Variants in ETFB observed in about 807,000 individuals in gnomAD.
The protein encoded by ETFB is beta-ETF.
In ETFB, 20 loss-of-function variants were observed where a neutral mutation model predicts 25.6. The ratio of observed to expected loss-of-function variants is 0.78; its 90% CI spans 0.55 to 1.14. The LOEUF (loss-of-function observed/expected upper bound fraction) is 1.14, where lower values mean the gene tolerates loss of function less well. Among genes scored for constraint, ETFB ranks in the 50% most tolerant of loss-of-function variants. The pLI, the probability that ETFB is intolerant of heterozygous loss-of-function variation, is 0.00. For missense variants in ETFB, 286 were observed against 342.6 expected, an observed-to-expected ratio of 0.83 and a Z score of 1.30; for synonymous variants, 142 against 146.7, an observed-to-expected ratio of 0.97 and a Z score of 0.23.
intron 1 of ETFB, chr19:51,355,660 C>T (rs1006635953): frequency 6.6e-6 from 1 of 151,982 alleles, no homozygotes; most frequent in African/African-American, 2.4e-5. Context: ...TATTGCGGCA[C>T]TATTCACAAT....
At chr19:51,359,593 A>ACG (rs1555755882) in intron 1 of ETFB, among the ~76,000 whole-genome samples, 1 of 152,066 alleles carries the variant, frequency 6.6e-6, no homozygotes, top group African/African-American at 2.4e-5. Flanking sequence ...ACACACACAC[A>ACG]CACGCACGCA....
chr19:51,350,439 G>T, intron 3 of ETFB, 48 bp from the exon 4 acceptor site: 2 of 969,350 alleles, frequency 2.1e-6, no homozygotes, highest in South Asian at 1.3e-5. Context: ...TGGAGCTCAT[G>T]GACCATTCAG....
At chr19:51,360,739 TTCTTC>T (rs1986200326) in intron 1 of ETFB, among the ~76,000 whole-genome samples, 1 of 151,840 alleles carries the variant, frequency 6.6e-6, no homozygotes, top group African/African-American at 2.4e-5. Context: ...AAGAGGGATT[TTCTTC>T]TCTTCTCTTT....
chr19:51,358,300 C>T (rs766400744), intron 1 of ETFB, among the ~76,000 whole-genome samples: 8 of 152,110 alleles, frequency 5.3e-5, no homozygotes, highest in Non-Finnish European at 8.8e-5. Context: ...GGACAGAATC[C>T]GAGATGAGAA....
chr19:51,360,770 C>T (rs1037567648), intron 1 of ETFB, among the ~76,000 whole-genome samples: 4 of 62,248 alleles, frequency 6.4e-5, no homozygotes, highest in Non-Finnish European at 1.8e-4. Context: ...CTCTCTTTCT[C>T]TCTCTCTCTC....
intron 1 of ETFB, among the ~76,000 whole-genome samples, chr19:51,362,372 G>A (rs1377227582): frequency 6.6e-6 from 1 of 152,224 alleles, no homozygotes; most frequent in African/African-American, 2.4e-5. Flanking sequence ...GAGGTCAGGA[G>A]GTCTAGACCA....
At chr19:51,351,838 C>A (rs114996542) in intron 3 of ETFB, among the ~76,000 whole-genome samples, 153 of 152,176 alleles carry the variant, frequency 1.0e-3, no homozygotes, top group African/African-American at 3.6e-3. Context: ...TCTCCGGGGG[C>A]CCCAGCTCTA....
At chr19:51,355,948 G>T (rs1401421064) in intron 1 of ETFB, 2 of 127,022 alleles carry the variant, frequency 1.6e-5, no homozygotes, top group South Asian at 3.4e-4. Context: ...GTCGTGGGGT[G>T]GGGGGAGGGG....
At chr19:51,360,233 C>T (rs1205148402) in intron 1 of ETFB, among the ~76,000 whole-genome samples, 1 of 151,910 alleles carries the variant, frequency 6.6e-6, no homozygotes, top group Non-Finnish European at 1.5e-5. Context: ...AAAACCCCAT[C>T]TCTACTAAAA....
chr19:51,354,576 C>T (rs749216461), intron 1 of ETFB: 1 of 1,614,222 alleles, frequency 6.2e-7, no homozygotes, highest in Non-Finnish European at 8.5e-7. Context: ...CTGCTCCTCT[C>T]AGGCCTGAAA....
In ETFB at chr19:51,354,493, C is replaced by T. The variant is rs1340658732; in HGVS notation, c.58-185G>A. On this transcript the variant is annotated intron_variant, in intron 1 of 5. Coordinates refer to ENST00000309244, the MANE Select transcript of ETFB (RefSeq NM_001985.3). ...AGAGTTTGTAGGCAGGGGCAGGTCACCCTGTCTCCTTCTCTCATCCAGCCA... is the reference window on the plus strand; with the variant it reads ...AGAGTTTGTAGGCAGGGGCAGGTCATCCTGTCTCCTTCTCTCATCCAGCCA... 3.1e-6 allele frequency: 5 copies of T among 1,614,180 alleles called. No homozygotes were observed. In the Admixed American group the frequency reaches 6.7e-5, roughly 22 times the overall value.
chr19:51,352,199 T>A (rs1293292165), intron 3 of ETFB, among the ~76,000 whole-genome samples: 1 of 151,996 alleles, frequency 6.6e-6, no homozygotes, highest in Non-Finnish European at 1.5e-5. Context: ...AATTTCCCAT[T>A]CCAGTCCATT....
At chr19:51,365,896 CAG>C (rs1986351066) in intron 1 of ETFB, among the ~76,000 whole-genome samples, 1 of 152,158 alleles carries the variant, frequency 6.6e-6, no homozygotes, top group African/African-American at 2.4e-5. Context: ...TGAAAGCAGT[CAG>C]AGGAACCTGG....
intron 4 of ETFB, chr19:51,348,456 T>C (rs973429094): frequency 6.6e-6 from 1 of 152,040 alleles, no homozygotes; most frequent in Admixed American, 6.6e-5. Context: ...TCAAGACACA[T>C]TATCATGATT....
chr19:51,359,374 A>AAG (rs2123603689), intron 1 of ETFB, among the ~76,000 whole-genome samples: 1 of 151,978 alleles, frequency 6.6e-6, no homozygotes, highest in East Asian at 1.9e-4. Flanking sequence ...CTTAAAAAAA[A>AAG]AAACACAACA....
chr19:51,354,361 G>A (rs756659613), intron 1 of ETFB, 53 bp from the exon 2 acceptor site: 203 of 1,605,244 alleles, frequency 1.3e-4, no homozygotes, highest in Non-Finnish European at 1.7e-4. Flanking sequence ...GCAAGAAGGT[G>A]GGGGCCTCAG....
In ETFB at chr19:51,354,658, T is replaced by A. The variant is rs755305886; in HGVS notation, c.58-350A>T. On this transcript the variant is annotated intron_variant, in intron 1 of 5. Coordinates refer to ENST00000309244, the MANE Select transcript of ETFB (RefSeq NM_001985.3). ...GTACATTTTACTGTATCTCCAAGTG[T>A]ATATAAATACATAATACACTGATAC... The A allele has an allele frequency of 2.6e-5, 42 of 1,611,838 alleles. 1 individual carries two copies. The South Asian group carries it at 3.5e-4, about 13-fold the overall frequency.
chr19:51,348,958 A>G (rs4802785), intron 4 of ETFB, among the ~76,000 whole-genome samples: 132,415 of 152,284 alleles, frequency 0.87, 58,139 homozygotes, highest in African/African-American at 0.94. Flanking sequence ...TCCCTGACTT[A>G]TGATGGTTTG....
At chr19:51,354,605 C>A (rs1986030176) in intron 1 of ETFB, 1 of 1,612,784 alleles carries the variant, frequency 6.2e-7, no homozygotes, top group Non-Finnish European at 8.5e-7. Flanking sequence ...CTCAAATTTA[C>A]AGTATTTATG....
Sources: gnomAD v4.1 joint callset for allele counts (sites outside exome capture counted in the v4.1 genomes callset) on GRCh38, gnomAD v4.1.1 for gene constraint, MANE v1.5 for transcripts, NCBI Gene and HGNC (gene_info 2026-07-23, HGNC 2026-07-21) for gene names.